Variants in PLD1 observed in about 807,000 individuals in gnomAD.
PLD1 encodes the protein phospholipase D1, also known as choline phosphatase 1.
In PLD1, 112 loss-of-function variants were observed where a neutral mutation model predicts 137.1. The ratio of observed to expected loss-of-function variants is 0.82; its 90% CI spans 0.70 to 0.96. The LOEUF (loss-of-function observed/expected upper bound fraction) is 0.96. Ranked by LOEUF, PLD1 falls within the 40% of genes least tolerant of loss-of-function variation. The pLI is 0.00. For missense variants in PLD1, 1,321 were observed against 1,342.0 expected (o/e 0.98, Z 0.24); for synonymous variants, 431 against 454.7 (o/e 0.95, Z 0.66).
chr3:171,618,117 G>GA (rs1453258989), intron 24 of PLD1, among the ~76,000 whole-genome samples: 1 of 151,908 alleles, frequency 6.6e-6, no homozygotes, highest in South Asian at 2.1e-4. Flanking sequence ...CTTGGGGAAG[G>GA]AAAAAAGGAA....
intron 11 of PLD1, among the ~76,000 whole-genome samples, chr3:171,706,752 T>C (rs1207745943): frequency 6.6e-6 from 1 of 152,232 alleles, no homozygotes; most frequent in Non-Finnish European, 1.5e-5. Context: ...CTTTACTTGT[T>C]TGAGGGAAGT....
At chr3:171,693,004 A>C (rs1715344953) in intron 12 of PLD1, among the ~76,000 whole-genome samples, 1 of 152,366 alleles carries the variant, frequency 6.6e-6, no homozygotes, top group African/African-American at 2.4e-5. Context: ...TTAAAGATCC[A>C]AAACATTGAA....
intron 1 of PLD1, among the ~76,000 whole-genome samples, chr3:171,754,862 T>A (rs1430235004): frequency 6.6e-6 from 1 of 152,090 alleles, no homozygotes; most frequent in African/African-American, 2.4e-5. Context: ...AACCAGGAAA[T>A]CTCCATCCTA....
intron 12 of PLD1, among the ~76,000 whole-genome samples, chr3:171,698,014 G>C (rs1299935445): frequency 1.3e-5 from 2 of 152,140 alleles, no homozygotes; most frequent in Admixed American, 6.5e-5. Flanking sequence ...AAATTTACTA[G>C]TATTAGTACA....
intron 25 of PLD1, among the ~76,000 whole-genome samples, chr3:171,609,504 GAA>G (rs1387526586): frequency 9.6e-6 from 1 of 104,510 alleles, no homozygotes; most frequent in African/African-American, 3.7e-5. Context: ...ATTACATAAA[GAA>G]AACACACACA....
intron 1 of PLD1, among the ~76,000 whole-genome samples, chr3:171,742,122 A>C (rs1719822150): frequency 6.6e-6 from 1 of 152,218 alleles, no homozygotes; most frequent in Non-Finnish European, 1.5e-5. Context: ...GCTGGTGATC[A>C]ATTTGATCTG....
intron 1 of PLD1, among the ~76,000 whole-genome samples, chr3:171,801,093 G>C (rs1041361219): frequency 6.6e-6 from 1 of 152,218 alleles, no homozygotes; most frequent in African/African-American, 2.4e-5. Flanking sequence ...ATTTCAGGAG[G>C]CCTGGCAGGA....
At chr3:171,770,144 A>G (rs924179846) in intron 1 of PLD1, among the ~76,000 whole-genome samples, 3 of 152,178 alleles carry the variant, frequency 2.0e-5, no homozygotes, top group Non-Finnish European at 4.4e-5. Context: ...TTAATTTCTT[A>G]ATTACTATTA....
intron 21 of PLD1, among the ~76,000 whole-genome samples, chr3:171,657,005 C>G (rs141029826): frequency 6.6e-6 from 1 of 152,274 alleles, no homozygotes; most frequent in East Asian, 1.9e-4. Context: ...TAATCCTAAC[C>G]ATCAATGCAC....
intron 1 of PLD1, among the ~76,000 whole-genome samples, chr3:171,738,538 G>T (rs1047193837): frequency 6.6e-6 from 1 of 152,068 alleles, no homozygotes; most frequent in Non-Finnish European, 1.5e-5. Flanking sequence ...GAAATATATA[G>T]ATTTAGAAAT....
At chr3:171,799,229 C>T (rs1010193561) in intron 1 of PLD1, among the ~76,000 whole-genome samples, 1 of 150,796 alleles carries the variant, frequency 6.6e-6, no homozygotes, top group African/African-American at 2.4e-5. Context: ...ATCGCAGCTA[C>T]TCAGGAGGCT....
chr3:171,724,781 T>C lies in PLD1; in HGVS notation c.673A>G (p.Met225Val). The change falls in exon 8 of 27, where the codon ATG becomes GTG. Residue 225 changes from methionine to valine, a missense_variant. By Grantham distance (21) the Met-to-Val change is conservative (BLOSUM62 1). Transcript: ENST00000351298. ...TGTCCTCCAGATCTTTTCATTATCATACCTTCTCTGAAAGAGACAGAAAAT... is the reference window on the plus strand; with the variant it reads ...TGTCCTCCAGATCTTTTCATTATCACACCTTCTCTGAAAGAGACAGAAAAT... Reference protein sequence around the residue: ...HDLGPKGIEGMIMKRSGGHRI... With the variant: ...HDLGPKGIEGVIMKRSGGHRI... The C allele has an allele frequency of 1.2e-6, 2 of 1,600,682 alleles. No individual in the cohort carries two copies. Among genetic ancestry groups the C allele is most frequent in the Non-Finnish European group, 8.5e-7 (1 of 1,169,818 alleles).
At chr3:171,673,865 A>G (rs1713052668) in intron 19 of PLD1, among the ~76,000 whole-genome samples, 1 of 151,804 alleles carries the variant, frequency 6.6e-6, no homozygotes, top group Non-Finnish European at 1.5e-5. Flanking sequence ...CTGTCCCCAC[A>G]TGATCTCAAG....
intron 25 of PLD1, among the ~76,000 whole-genome samples, chr3:171,608,447 A>G (rs1021943621): frequency 2.0e-5 from 3 of 152,252 alleles, no homozygotes; most frequent in African/African-American, 7.2e-5. Flanking sequence ...GGAAGAATTA[A>G]TGTTTATGAA....
intron 1 of PLD1, among the ~76,000 whole-genome samples, chr3:171,806,898 A>G (rs1344479188): frequency 6.6e-6 from 1 of 152,212 alleles, no homozygotes; most frequent in Admixed American, 6.5e-5. Context: ...ACCCTTAGAC[A>G]CAAGTTTAAA....
At chr3:171,615,900 C>A (rs1733065237) in intron 24 of PLD1, among the ~76,000 whole-genome samples, 1 of 152,172 alleles carries the variant, frequency 6.6e-6, no homozygotes, top group Non-Finnish European at 1.5e-5. Context: ...TGCTAAGCTG[C>A]AGGGTGTATG....
At chr3:171,809,229 C>A (rs1269912218) in intron 1 of PLD1, 1 of 152,250 alleles carries the variant, frequency 6.6e-6, no homozygotes, top group East Asian at 1.9e-4. Context: ...CATTTAAAGG[C>A]TGTCTACAAA....
At chr3:171,620,937 C>T (rs927659309) in intron 23 of PLD1, among the ~76,000 whole-genome samples, 1 of 151,860 alleles carries the variant, frequency 6.6e-6, no homozygotes, top group Non-Finnish European at 1.5e-5. Flanking sequence ...TTCAGTGTGA[C>T]ATTTGCTTCT....
rs993615653 is a variant in PLD1 at position 171,717,894 on chromosome 3, A to G, written c.759-3849T>C. Among the ~76,000 whole-genome samples the G allele has an allele frequency of 2.2e-4, 34 of 152,152 alleles. 1 individual carries two copies. Among genetic ancestry groups the G allele is most frequent in the African/African-American group, 8.0e-4 (33 of 41,436 alleles). On this transcript the variant is annotated intron_variant, in intron 8 of 26. Coordinates refer to ENST00000351298, the MANE Select transcript of PLD1 (RefSeq NM_002662.5). ...TAGATGGCTCTTATTATTTTGGAGTATGTTCCTTCAATGTGTAGTTTATTG... is the reference window on the plus strand; with the variant it reads ...TAGATGGCTCTTATTATTTTGGAGTGTGTTCCTTCAATGTGTAGTTTATTG...
Sources: allele counts gnomAD v4.1 joint callset (sites outside exome capture counted in the v4.1 genomes callset), GRCh38; gene constraint gnomAD v4.1.1; transcripts MANE v1.5; gene names NCBI Gene and HGNC (gene_info 2026-07-23, HGNC 2026-07-21).